The following FER1L5 variants were observed in gnomAD, a reference collection of about 807,000 sequenced individuals.
FER1L5 encodes the protein fer-1 like family member 5, also known as fer-1-like protein 5.
A neutral mutation model predicts 279.9 loss-of-function variants in FER1L5; 187 were observed. The ratio of observed to expected loss-of-function variants is 0.67; its 90% CI spans 0.59 to 0.75. The LOEUF (loss-of-function observed/expected upper bound fraction) is 0.75, where lower values mean the gene tolerates loss of function less well. Ranked by LOEUF, FER1L5 falls within the 30% of genes least tolerant of loss-of-function variation. FER1L5 has a pLI of 0.00. For missense variants in FER1L5, 2,091 were observed against 2,594.4 expected (o/e 0.81, Z 4.21); for synonymous variants, 921 against 989.7 (o/e 0.93, Z 1.30).
chr2:96,685,342 A>G lies in FER1L5; in HGVS notation c.1808A>G (p.Asp603Gly), dbSNP rs1296757348. ...FTRDRLKANL[D>G]TLKSTRNPKD... Reference sequence around the variant, plus strand: ...CCTGCTGGGCAGAAAGCCAACCTGGACACCCTGAAATCCACGCGGAATCCG... The same window carrying G: ...CCTGCTGGGCAGAAAGCCAACCTGGGCACCCTGAAATCCACGCGGAATCCG... Residue 603 changes from aspartate (D) to glycine (G), a missense_variant, in exon 21 of 53, where the codon GAC (aspartate) becomes GGC (glycine). Physicochemically the swap from Asp to Gly is moderately conservative, Grantham distance 94 (BLOSUM62 -1). Coordinates refer to ENST00000624922, the MANE Select transcript of FER1L5 (RefSeq NM_001293083.2). 5 of 1,551,096 alleles carry G rather than the reference A, an allele frequency of 3.2e-6. No individual in the cohort carries two copies. Among genetic ancestry groups the G allele is most frequent in the Non-Finnish European group, 4.4e-6 (5 of 1,146,842 alleles).
chr2:96,700,493 T>G (rs1446857160), intron 45 of FER1L5, 22 bp downstream of exon 45: 2 of 1,611,678 alleles, frequency 1.2e-6, no homozygotes, highest in Admixed American at 1.7e-5. Context: ...GAGGGGCCAC[T>G]CCTGGCTCCT....
chr2:96,689,527 C>T lies in FER1L5; in HGVS notation c.2526-117C>T. ...CCAAGGGCCCTGCCCACCACCCTGT[C>T]CTGCCCAGAGCAGGTGGGGATGGGA... On this transcript the variant is annotated intron_variant, in intron 25 of 52. Transcript: ENST00000624922. This position sits in a 1 kb window ranked among gnomAD's most constrained non-coding sequence, Gnocchi z 4.6. The T allele has an allele frequency of 7.0e-7, 1 of 1,436,572 alleles. No homozygotes were observed. Among genetic ancestry groups the T allele is most frequent in the East Asian group, 2.5e-5 (1 of 40,370 alleles). 89.0% of individuals were successfully genotyped at this position (1,436,572 alleles called of 1,614,324 possible).
In FER1L5 at chr2:96,699,498, G is replaced by A. The variant is rs539590164; in HGVS notation, c.4611-52G>A. ...GGCCGAGACACCGGTGAGGGAGGGG[G>A]GCACAGAGACATTGCCCACATCCTC... On this transcript the variant is annotated intron_variant, in intron 42 of 52. Coordinates refer to ENST00000624922, the MANE Select transcript of FER1L5 (RefSeq NM_001293083.2). 265 of 1,566,536 alleles carry A rather than the reference G, an allele frequency of 1.7e-4. 2 individuals are homozygous for A. The African/African-American group carries it at 2.8e-3, about 17-fold the overall frequency.
chr2:96,687,305 C>T (rs942568637), intron 23 of FER1L5, among the ~76,000 whole-genome samples: 1 of 152,250 alleles, frequency 6.6e-6, no homozygotes, highest in African/African-American at 2.4e-5. Flanking sequence ...TCCACCAACA[C>T]GCAAGGCTCC....
At chr2:96,646,969 A>G (rs537436109) in intron 2 of FER1L5, 95 bp from the exon 3 acceptor site, 2 of 1,264,232 alleles carry the variant, frequency 1.6e-6, no homozygotes, top group African/African-American at 3.0e-5. Flanking sequence ...AGAGAAATGC[A>G]GTGCCAGCCC....
rs2075517532 is a variant in FER1L5, at chr2:96,654,553, T to C, written c.747+57T>C. 7.5e-6 allele frequency: 3 copies of C among 398,546 alleles called. No homozygotes were observed. The South Asian group carries it at 3.8e-4, about 51-fold the overall frequency. The allele number at this position is 398,546 out of a possible 1,614,324, so 24.7% of individuals were successfully genotyped here. ...AAACAGTTATTAAAACAGAGACCCA[T>C]GCTGGGCTCCATGCCCAAGTCTAGG... On this transcript the variant is annotated intron_variant, in intron 9 of 52. Coordinates refer to ENST00000624922, the MANE Select transcript of FER1L5 (RefSeq NM_001293083.2).
At chr2:96,660,096 CT>C (rs2075901613) in intron 9 of FER1L5, among the ~76,000 whole-genome samples, 1 of 152,166 alleles carries the variant, frequency 6.6e-6, no homozygotes, top group South Asian at 2.1e-4. Context: ...TGTTGAGGAG[CT>C]TTTCCATGCA....
intron 19 of FER1L5, among the ~76,000 whole-genome samples, chr2:96,676,011 T>A (rs1457948090): frequency 1.3e-5 from 2 of 152,214 alleles, no homozygotes; most frequent in African/African-American, 4.8e-5. Context: ...CTCCTCTGTT[T>A]CATTCTACAA....
rs759041810 is a variant in FER1L5 at position 96,668,887 on chromosome 2, C to T, written c.1186C>T (p.Arg396Cys). Residue 396 changes from arginine to cysteine, a missense_variant and splice_region_variant, in exon 16 of 53, where the codon CGC (arginine) becomes TGC (cysteine). Transcript: ENST00000624922. ...CCTGAGGAGTGTGTTTCTCTCTAGC[C>T]GCAAGAAGGACTGCCCGGATGAGAT... ...SYIKFRVLDC[R>C]KKDCPDEIGT... The T allele has an allele frequency of 7.1e-6, 11 of 1,551,590 alleles. No homozygotes were observed. In the South Asian group the frequency reaches 1.1e-4, roughly 15 times the overall value.
chr2:96,646,338 C>A, intron 1 of FER1L5, 63 bp from the exon 2 acceptor site: 1 of 1,527,442 alleles, frequency 6.5e-7, no homozygotes, highest in African/African-American at 1.4e-5. Flanking sequence ...CTCTTTACCC[C>A]ACTCCAACCC....
Position 96,697,680 on chromosome 2 carries a change from G to A in FER1L5, c.4155G>A (p.Val1385=), listed in dbSNP as rs779609356. Residue 1385 remains valine, a synonymous_variant, in exon 39 of 53, where the codon GTG becomes GTA. Transcript: ENST00000624922. ...SKAEDEYEHE[V]DWWSKLFWAT... is the part of the protein sequence containing the mutation. ...GCCAGGATGAGTATGAGCATGAGGT[G>A]GACTGGTGGAGCAAGCTGTTCTGGG... 1.9e-6 allele frequency: 3 copies of A among 1,613,918 alleles called. No homozygotes were observed. Among genetic ancestry groups the A allele is most frequent in the Non-Finnish European group, 1.7e-6 (2 of 1,179,902 alleles).
At chr2:96,697,616 GGGCT>G (rs1558926028) in intron 38 of FER1L5, 40 bp downstream of exon 38, 1 of 1,613,860 alleles carries the variant, frequency 6.2e-7, no homozygotes, top group African/African-American at 1.3e-5. Flanking sequence ...GGGAGGTGGG[GGGCT>G]GCCCCTGCCC....
chr2:96,687,833 A>G lies in FER1L5; in HGVS notation c.2247A>G (p.Gly749=), dbSNP rs1281998744. Reference sequence around the variant, plus strand: ...TGGCTCAGTACCCAGAGGGTGAAGGACAGAAGGATGTGCTCCCAGCTCACC... The same window carrying G: ...TGGCTCAGTACCCAGAGGGTGAAGGGCAGAAGGATGTGCTCCCAGCTCACC... ...TLFLQYPEGE[G]QKDVLPAHLR... is the part of the protein sequence containing the mutation. Residue 749 remains glycine (G), a synonymous_variant, in exon 24 of 53, where the codon GGA becomes GGG. Transcript: ENST00000624922. The G allele has an allele frequency of 2.6e-6, 4 of 1,551,146 alleles. No homozygotes were observed. The East Asian group carries it at 7.3e-5, about 28-fold the overall frequency.
chr2:96,673,057 G>A lies in FER1L5; in HGVS notation c.1492-20G>A, dbSNP rs961193384. ...GGCTTATGTACTGGGTATGGGGGGTGGGGGCGGTTATTGTTTCAGAAGCAC... is the reference window on the plus strand; with the variant it reads ...GGCTTATGTACTGGGTATGGGGGGTAGGGGCGGTTATTGTTTCAGAAGCAC... On this transcript the variant is annotated intron_variant, in intron 18 of 52. Coordinates refer to ENST00000624922, the MANE Select transcript of FER1L5 (RefSeq NM_001293083.2). 10 of 1,549,238 alleles carry A rather than the reference G, an allele frequency of 6.5e-6. No individual in the cohort carries two copies. Among genetic ancestry groups the A allele is most frequent in the Non-Finnish European group, 8.7e-6 (10 of 1,145,836 alleles).
intron 23 of FER1L5, 77 bp from the exon 24 acceptor site, chr2:96,687,739 C>T (rs2076983750): frequency 8.5e-6 from 13 of 1,527,042 alleles, no homozygotes; most frequent in South Asian, 1.2e-5. Flanking sequence ...GGGGCAGGTA[C>T]AGCCCACTTG....
intron 20 of FER1L5, among the ~76,000 whole-genome samples, 195 bp downstream of exon 20, chr2:96,684,646 C>T (rs576558006): frequency 6.6e-6 from 1 of 152,322 alleles, no homozygotes; most frequent in South Asian, 2.1e-4. Flanking sequence ...AGTCCCTGTC[C>T]TCACTGTCTA....
At chr2:96,697,864 C>T (rs1180952847) in intron 39 of FER1L5, 103 bp downstream of exon 39, 34 of 1,475,990 alleles carry the variant, frequency 2.3e-5, no homozygotes, top group African/African-American at 5.6e-5. Flanking sequence ...GGAAGGTTCC[C>T]GCACTGTCTC....
intron 19 of FER1L5, among the ~76,000 whole-genome samples, chr2:96,680,530 A>G (rs766016004): frequency 6.6e-6 from 1 of 151,272 alleles, no homozygotes; most frequent in Non-Finnish European, 1.5e-5. Flanking sequence ...CTAGATCTTC[A>G]TAGAAAGTCC....
In FER1L5 at chr2:96,691,168, G is replaced by A. The variant is rs761900172; in HGVS notation, c.2744-22G>A. On this transcript the variant is annotated intron_variant, in intron 27 of 52. Transcript: ENST00000624922. This position sits in a 1 kb window ranked among gnomAD's most constrained non-coding sequence, Gnocchi z 6.0. The stretch of plus-strand genomic sequence containing the variant: ...ACCTGCGGGCACCTGAGGACTCAGA[G>A]GCCATGGTCCACCCACCGCAGGCTG... The A allele has an allele frequency of 3.9e-6, 6 of 1,536,930 alleles. No individual in the cohort carries two copies. The highest frequency in any genetic ancestry group is 2.5e-5 in the East Asian group (1 of 40,724).
Sources: allele counts gnomAD v4.1 joint callset (sites outside exome capture counted in the v4.1 genomes callset), GRCh38; gene constraint gnomAD v4.1.1; non-coding constraint Gnocchi (gnomAD v3.1); transcripts MANE v1.5; gene names NCBI Gene and HGNC (gene_info 2026-07-23, HGNC 2026-07-21).